The following ASB3 variants were observed in gnomAD, a reference collection of about 807,000 sequenced individuals.
ASB3 encodes ankyrin repeat and SOCS box containing 3, also known as ankyrin repeat and SOCS box protein 3.
Under a neutral mutation model 54.5 loss-of-function variants are expected in ASB3, and 41 were observed. The ratio of observed to expected loss-of-function variants is 0.75; its 90% CI spans 0.59 to 0.98. ASB3 has a LOEUF of 0.98. Among genes scored for constraint, ASB3 ranks in the 50% least tolerant of loss-of-function variants. ASB3 has a pLI of 0.00. For synonymous variants in ASB3, 266 were observed against 221.2 expected, an observed-to-expected ratio of 1.20 and a Z score of -1.80; for missense variants, 733 against 620.0, an observed-to-expected ratio of 1.18 and a Z score of -1.94.
intron 7 of ASB3, among the ~76,000 whole-genome samples, chr2:53,710,474 T>A (rs1054923543): frequency 6.6e-6 from 1 of 152,216 alleles, no homozygotes; most frequent in African/African-American, 2.4e-5. Flanking sequence ...CTGGACCATC[T>A]CAGGACTGGC....
At position 53,765,645 on chromosome 2, in the gene ASB3, G is replaced by C. The variant is rs148450818; in HGVS notation, c.-13-60C>G. The C allele has an allele frequency of 5.7e-4, 914 of 1,597,550 alleles. 6 individuals carry two copies. In the African/African-American group the frequency reaches 9.7e-3, roughly 17 times the overall value. On this transcript the variant is annotated intron_variant, in intron 1 of 9. Transcript: ENST00000263634. ...AATAAAACAACACTTCACTCCTAGA[G>C]GTCAGCAAATCACGGTGGGCCTGTC...
At chr2:53,768,580 T>C (rs1008283512) in intron 1 of ASB3, among the ~76,000 whole-genome samples, 1 of 152,264 alleles carries the variant, frequency 6.6e-6, no homozygotes, top group Non-Finnish European at 1.5e-5. Flanking sequence ...TTTCGCTGGT[T>C]ATTAAGGAAC....
At position 53,716,601 on chromosome 2, in the gene ASB3, T is replaced by C. The variant is rs764992545; in HGVS notation, c.747A>G (p.Leu249=). 1.9e-6 allele frequency: 3 copies of C among 1,613,928 alleles called. No homozygotes were observed. The highest frequency in any genetic ancestry group is 2.5e-6 in the Non-Finnish European group (3 of 1,179,862). The change falls in exon 6 of 10, where the codon TTA becomes TTG. Residue 249 remains leucine (L), a synonymous_variant. Transcript: ENST00000263634. The part of the protein sequence containing the change: ...DLYCNEDSWQ[L]PIHAAAQMGH... ...CCATTTGTGCAGCTGCATGAATAGG[T>C]AACTGCCAACTGTCCTCATTACAGT...
intron 1 of ASB3, among the ~76,000 whole-genome samples, chr2:53,775,696 G>A (rs563896388): frequency 1.1e-3 from 172 of 152,108 alleles, no homozygotes; most frequent in South Asian, 2.3e-3. Flanking sequence ...AGCTGGTCTC[G>A]ATCTCCTGAC....
intron 5 of ASB3, among the ~76,000 whole-genome samples, chr2:53,719,590 C>G (rs1572902313): frequency 1.3e-5 from 2 of 151,798 alleles, no homozygotes; most frequent in Admixed American, 1.3e-4. Context: ...AGATAATCCC[C>G]CCTTCACCCA....
intron 9 of ASB3, among the ~76,000 whole-genome samples, chr2:53,681,538 T>A (rs993649829): frequency 6.6e-6 from 1 of 152,230 alleles, no homozygotes; most frequent in African/African-American, 2.4e-5. Context: ...TTTTTGTATA[T>A]GGCCAGAGAT....
intron 7 of ASB3, among the ~76,000 whole-genome samples, chr2:53,701,299 T>C (rs13421512): frequency 0.09 from 13,755 of 152,278 alleles, 675 homozygotes; most frequent in East Asian, 0.18. Context: ...TAAAAACTTT[T>C]TTAATTAACA....
Position 53,753,253 on chromosome 2 carries a change from C to G in ASB3, c.197-2312G>C, listed in dbSNP as rs185488305. Among the ~76,000 whole-genome samples, 408 of 152,290 alleles carry G rather than the reference C, an allele frequency of 2.7e-3. 1 individual carries two copies. Among genetic ancestry groups the G allele is most frequent in the Non-Finnish European group, 4.1e-3 (282 of 68,022 alleles). On this transcript the variant is annotated intron_variant, in intron 2 of 9. Transcript: ENST00000263634. ...AGACAAAAAGAACTGCACATAAACA[C>G]TATAGTCTAGTTGGTAAAGTTGTTT...
At chr2:53,770,251 TAA>T (rs1257477243) in intron 1 of ASB3, among the ~76,000 whole-genome samples, 1 of 152,128 alleles carries the variant, frequency 6.6e-6, no homozygotes, top group African/African-American at 2.4e-5. Flanking sequence ...ACAGGAAAAT[TAA>T]ATGAGAAATC....
At chr2:53,775,646 T>C (rs1488591132) in intron 1 of ASB3, among the ~76,000 whole-genome samples, 1 of 152,164 alleles carries the variant, frequency 6.6e-6, no homozygotes, top group Non-Finnish European at 1.5e-5. Context: ...CGGCTAATTT[T>C]TGTATTTTTA....
chr2:53,735,454 C>A (rs1671569746), intron 3 of ASB3, among the ~76,000 whole-genome samples: 1 of 140,952 alleles, frequency 7.1e-6, no homozygotes, highest in African/African-American at 2.7e-5. Flanking sequence ...AAACTGTAAA[C>A]TACAAAATAC....
intron 3 of ASB3, among the ~76,000 whole-genome samples, chr2:53,738,821 A>G (rs1433181174): frequency 6.6e-6 from 1 of 152,204 alleles, no homozygotes; most frequent in African/African-American, 2.4e-5. Context: ...ATGGTATCCA[A>G]TAGGGACCAG....
At chr2:53,747,086 T>G (rs12613353) in intron 3 of ASB3, among the ~76,000 whole-genome samples, 36,221 of 151,990 alleles carry the variant, frequency 0.24, 4,917 homozygotes, top group East Asian at 0.46. Flanking sequence ...ATCTCTAATT[T>G]TCTCCAAATA....
intron 3 of ASB3, among the ~76,000 whole-genome samples, chr2:53,750,153 T>C (rs1405055663): frequency 2.0e-5 from 3 of 152,082 alleles, no homozygotes; most frequent in Admixed American, 2.0e-4. Flanking sequence ...AAACGCTTCA[T>C]TGACTCAATT....
chr2:53,757,151 C>G (rs1672878697), intron 2 of ASB3, among the ~76,000 whole-genome samples: 1 of 152,214 alleles, frequency 6.6e-6, no homozygotes, highest in Non-Finnish European at 1.5e-5. Flanking sequence ...GGACCACTTT[C>G]ACTTGCTATT....
chr2:53,740,730 T>C (rs1025567112), intron 3 of ASB3, among the ~76,000 whole-genome samples: 1 of 152,172 alleles, frequency 6.6e-6, no homozygotes, highest in Non-Finnish European at 1.5e-5. Flanking sequence ...AATCCAATCA[T>C]CCACGTTATC....
At chr2:53,689,764 A>G (rs1668811275) in intron 9 of ASB3, among the ~76,000 whole-genome samples, 1 of 152,172 alleles carries the variant, frequency 6.6e-6, no homozygotes, top group South Asian at 2.1e-4. Context: ...ATGTTCCTGG[A>G]GTACTTACCC....
intron 9 of ASB3, among the ~76,000 whole-genome samples, chr2:53,683,604 C>T (rs1668491925): frequency 6.6e-6 from 1 of 152,010 alleles, no homozygotes; most frequent in African/African-American, 2.4e-5. Flanking sequence ...GCCATCAGGT[C>T]CTGAACTTTT....
intron 1 of ASB3, chr2:53,774,090 C>G: frequency 6.7e-7 from 1 of 1,495,188 alleles, no homozygotes; most frequent in African/African-American, 1.4e-5. Flanking sequence ...CCTTTCTTCA[C>G]CTATTTTAAT....
Sources: gnomAD v4.1 joint callset for allele counts (sites outside exome capture counted in the v4.1 genomes callset) on GRCh38, gnomAD v4.1.1 for gene constraint, MANE v1.5 for transcripts, NCBI Gene and HGNC (gene_info 2026-07-23, HGNC 2026-07-21) for gene names.